FRMD3: variants seen among roughly 807,000 people sequenced by gnomAD.
FRMD3 encodes the protein FERM domain containing 3.
A neutral mutation model predicts 70.2 loss-of-function variants in FRMD3; 33 were observed. That is an observed-to-expected ratio of 0.47 (90% confidence interval 0.36 to 0.63). The LOEUF (loss-of-function observed/expected upper bound fraction) is 0.63, where lower values mean the gene tolerates loss of function less well. Among genes scored for constraint, FRMD3 ranks in the 20% least tolerant of loss-of-function variants. The pLI, the probability that FRMD3 is intolerant of heterozygous loss-of-function variation, is 0.00. For missense variants in FRMD3, 632 were observed against 711.4 expected (o/e 0.89, Z 1.27); for synonymous variants, 279 against 255.9 (o/e 1.09, Z -0.86).
chr9:83,370,617 A>C (rs1009482718), intron 3 of FRMD3, among the ~76,000 whole-genome samples: 5 of 152,308 alleles, frequency 3.3e-5, no homozygotes, highest in African/African-American at 1.2e-4. Flanking sequence ...CTAATAAGAC[A>C]TTATGTGTTT....
chr9:83,271,752 C>T (rs926408386), intron 13 of FRMD3, among the ~76,000 whole-genome samples: 3 of 152,176 alleles, frequency 2.0e-5, no homozygotes, highest in Admixed American at 6.5e-5. Flanking sequence ...GCTGAGATAA[C>T]TGCTCTCTGG....
intron 1 of FRMD3, among the ~76,000 whole-genome samples, chr9:83,509,878 G>A (rs1829298503): frequency 6.6e-6 from 1 of 152,084 alleles, no homozygotes; most frequent in Admixed American, 6.5e-5. Flanking sequence ...TCTCTGTGTG[G>A]TGGGCTTGGT....
intron 1 of FRMD3, among the ~76,000 whole-genome samples, chr9:83,514,233 C>T (rs1316726376): frequency 6.6e-6 from 1 of 152,192 alleles, no homozygotes; most frequent in East Asian, 1.9e-4. Context: ...TCACTGCCAG[C>T]ACAGCAGTCT....
At chr9:83,437,514 C>T (rs544062617) in intron 1 of FRMD3, among the ~76,000 whole-genome samples, 3 of 152,268 alleles carry the variant, frequency 2.0e-5, no homozygotes, top group African/African-American at 7.2e-5. Context: ...GTTTAGTCCA[C>T]CTATCTCCCT....
At position 83,537,835 on chromosome 9, in the gene FRMD3, G is replaced by C. The variant is rs1048301808; in HGVS notation, c.147+250C>G. ...CTAGCCCGGGCGCAGTGAGACGCGC[G>C]CGCAGGGTGCACGCGAGGGGAAGGA... On this transcript the variant is annotated intron_variant, in intron 1 of 13. Coordinates refer to ENST00000304195, the MANE Select transcript of FRMD3 (RefSeq NM_174938.6). The surrounding 1 kb of genome is among the most constrained non-coding windows in gnomAD (Gnocchi z 4.1). Among the ~76,000 whole-genome samples the C allele has an allele frequency of 6.6e-6, 1 of 150,754 alleles. No homozygotes were observed. The highest frequency in any genetic ancestry group is 1.5e-5 in the Non-Finnish European group (1 of 67,642).
chr9:83,255,083 T>G (rs1482614482), intron 13 of FRMD3, among the ~76,000 whole-genome samples: 1 of 151,958 alleles, frequency 6.6e-6, no homozygotes, highest in African/African-American at 2.4e-5. Flanking sequence ...ACGAAAAAAG[T>G]AAACTTCGGG....
At chr9:83,492,012 T>C (rs1828837426) in intron 1 of FRMD3, among the ~76,000 whole-genome samples, 1 of 152,220 alleles carries the variant, frequency 6.6e-6, no homozygotes, top group Non-Finnish European at 1.5e-5. Flanking sequence ...TCTACTCTTG[T>C]CTTTATTTGT....
At chr9:83,358,110 A>G (rs926309052) in intron 3 of FRMD3, among the ~76,000 whole-genome samples, 1 of 152,160 alleles carries the variant, frequency 6.6e-6, no homozygotes, top group Non-Finnish European at 1.5e-5. Flanking sequence ...TGATTTTTGT[A>G]TAAGGTGAGA....
chr9:83,297,976 T>A (rs561982407), intron 12 of FRMD3, among the ~76,000 whole-genome samples: 1 of 152,254 alleles, frequency 6.6e-6, no homozygotes, highest in Admixed American at 6.5e-5. Context: ...ACCCAGCTCA[T>A]TTAGTCACCC....
chr9:83,566,856 G>A, the FRMD3 span, among the ~76,000 whole-genome samples: 12 of 152,168 alleles, frequency 7.9e-5, no homozygotes, highest in Non-Finnish European at 1.2e-4. Context: ...CTGCTCTCAC[G>A]GGCTGGCATT....
At chr9:83,280,719 A>G (rs1191914532) in intron 13 of FRMD3, among the ~76,000 whole-genome samples, 1 of 152,242 alleles carries the variant, frequency 6.6e-6, no homozygotes, top group Non-Finnish European at 1.5e-5. Context: ...AGATACATGT[A>G]TATCTGTCAT....
chr9:83,454,454 T>C (rs1827760211), intron 1 of FRMD3, among the ~76,000 whole-genome samples: 1 of 152,166 alleles, frequency 6.6e-6, no homozygotes, highest in Admixed American at 6.5e-5. Context: ...TAACCAAATA[T>C]ATTCACAAAG....
At chr9:83,346,240 A>G (rs1823955782) in intron 4 of FRMD3, among the ~76,000 whole-genome samples, 1 of 141,426 alleles carries the variant, frequency 7.1e-6, no homozygotes, top group Non-Finnish European at 1.5e-5. Flanking sequence ...TGAGCGACAG[A>G]GCAAGACGCC....
intron 1 of FRMD3, among the ~76,000 whole-genome samples, chr9:83,522,005 C>G (rs1026029573): frequency 1.3e-5 from 2 of 152,136 alleles, no homozygotes; most frequent in African/African-American, 4.8e-5. Context: ...AGTGGCTGCT[C>G]CAGCATATCT....
At chr9:83,427,874 A>G (rs1275496689) in intron 1 of FRMD3, among the ~76,000 whole-genome samples, 1 of 152,230 alleles carries the variant, frequency 6.6e-6, no homozygotes, top group Admixed American at 6.5e-5. Context: ...AGCTTGGCCA[A>G]CTTTTTAAAG....
chr9:83,577,985 GA>G, the FRMD3 span, among the ~76,000 whole-genome samples: 1 of 151,814 alleles, frequency 6.6e-6, no homozygotes, highest in South Asian at 2.1e-4. Context: ...AGAAATGAAA[GA>G]GGAAACATTA....
At position 83,299,222 on chromosome 9, in the gene FRMD3, T is replaced by C. The variant is rs572303503; in HGVS notation, c.927-36A>G. ...AAGCAAAGCACAGGTGGTTAGGACA[T>C]TGGAAAGTCCACTTACAACATGCTA... is the stretch of plus-strand genomic sequence containing the variant. On this transcript the variant is annotated intron_variant, in intron 10 of 13. Coordinates refer to ENST00000304195, the MANE Select transcript of FRMD3 (RefSeq NM_174938.6). 6 of 1,416,866 alleles carry C rather than the reference T, an allele frequency of 4.2e-6. No homozygotes were observed. In the Admixed American group the frequency reaches 7.5e-5, roughly 18 times the overall value. The allele number at this position is 1,416,866 out of a possible 1,614,324, so 87.8% of individuals were successfully genotyped here.
chr9:83,267,342 C>A (rs947146287), intron 13 of FRMD3: 9 of 1,384,870 alleles, frequency 6.5e-6, no homozygotes. Context: ...TTAAACTCTC[C>A]ACTCACCCCT....
chr9:83,339,691 C>G (rs1823692884), intron 5 of FRMD3, among the ~76,000 whole-genome samples: 1 of 152,168 alleles, frequency 6.6e-6, no homozygotes, highest in South Asian at 2.1e-4. Flanking sequence ...AGGGACTGGG[C>G]CTGTGTGTTC....
Sources: allele counts gnomAD v4.1 joint callset (sites outside exome capture counted in the v4.1 genomes callset), GRCh38; gene constraint gnomAD v4.1.1; non-coding constraint Gnocchi (gnomAD v3.1); transcripts MANE v1.5; gene names NCBI Gene and HGNC (gene_info 2026-07-23, HGNC 2026-07-21).